NAB1: variants seen among roughly 807,000 people sequenced by gnomAD.
NAB1 encodes NGFI-A binding protein 1.
NAB1 carries 25 observed loss-of-function variants against 49.9 expected under a neutral mutation model. The observed-to-expected ratio is 0.50, with a 90% CI of 0.37 to 0.70. NAB1 has a LOEUF of 0.70. NAB1 is among the 30% of genes least tolerant of loss of function. NAB1 has a pLI of 0.00. For missense variants in NAB1, 489 were observed against 575.9 expected, an observed-to-expected ratio of 0.85 and a Z score of 1.54; for synonymous variants, 198 against 215.6, an observed-to-expected ratio of 0.92 and a Z score of 0.71.
At position 190,691,465 on chromosome 2, in the gene NAB1, G is replaced by A. The variant is rs1695931648; in HGVS notation, c.*1132G>A. 6.6e-6 allele frequency: 1 copy of A among 152,072 alleles called. No homozygotes were observed. Among genetic ancestry groups the A allele is most frequent in the African/African-American group, 2.4e-5 (1 of 41,416 alleles). 9.4% of individuals were successfully genotyped at this position (152,072 alleles called of 1,614,324 possible). On this transcript the variant is annotated 3_prime_UTR_variant, in exon 10 of 10. Transcript: ENST00000337386. This position sits in a 1 kb window ranked among gnomAD's most constrained non-coding sequence, Gnocchi z 4.1. ...ATTTTTCTACACCTTTGAGATTTAT[G>A]AATGCAGTTTTTTCTTAAAATTTAT...
At chr2:190,650,775 C>A (rs992676025) in intron 2 of NAB1, among the ~76,000 whole-genome samples, 1 of 152,128 alleles carries the variant, frequency 6.6e-6, no homozygotes, top group Admixed American at 6.6e-5. Context: ...TTAAGACATA[C>A]AATATTATCT....
Position 190,685,365 on chromosome 2 carries a change from A to G in NAB1, c.1096-111A>G. The stretch of plus-strand genomic sequence containing the variant: ...TTGTATACCACATGAAGTGTGAACT[A>G]ATTTTAATGAATACTAAATATATTT... On this transcript the variant is annotated intron_variant, in intron 7 of 9. Coordinates refer to ENST00000337386, the MANE Select transcript of NAB1 (RefSeq NM_005966.4). The surrounding 1 kb of genome is among the most constrained non-coding windows in gnomAD (Gnocchi z 4.5). 1 of 973,884 alleles carries G rather than the reference A, an allele frequency of 1.0e-6. No individual in the cohort carries two copies. Among genetic ancestry groups the G allele is most frequent in the Non-Finnish European group, 1.5e-6 (1 of 672,414 alleles). The allele number at this position is 973,884 out of a possible 1,614,324, so 60.3% of individuals were successfully genotyped here.
Position 190,685,635 on chromosome 2 carries a change from C to A in NAB1, c.1255C>A (p.Gln419Lys), listed in dbSNP as rs1259276016. 4.4e-6 allele frequency: 7 copies of A among 1,601,634 alleles called. No individual in the cohort carries two copies. In the African/African-American group the frequency reaches 8.1e-5, roughly 18 times the overall value. ...CTTGACTTCCGATAACTCAGATGGA[C>A]AAGGTACATCTTTAGAATATCCTAT... is the stretch of plus-strand genomic sequence containing the variant. Reference protein sequence around the residue: ...NGLTSDNSDGQGERPLNLRMP... With the variant: ...NGLTSDNSDGKGERPLNLRMP... Residue 419 changes from glutamine (Q) to lysine (K), a missense_variant, in exon 8 of 10, where the codon CAA becomes AAA. Transcript: ENST00000337386. This position sits in a 1 kb window ranked among gnomAD's most constrained non-coding sequence, Gnocchi z 4.5.
Position 190,686,790 on chromosome 2 carries a change from G to A in NAB1, c.1259-411G>A, listed in dbSNP as rs554571928. Among the ~76,000 whole-genome samples the A allele has an allele frequency of 6.9e-6, 1 of 145,056 alleles. No homozygotes were observed. The highest frequency in any genetic ancestry group is 1.5e-5 in the Non-Finnish European group (1 of 65,594). ...CTGTTTTTTCACGGATTTTGCTGTAGTTTTTTTTTTTTAATCTTTAATTGG... is the reference window on the plus strand; with the variant it reads ...CTGTTTTTTCACGGATTTTGCTGTAATTTTTTTTTTTTAATCTTTAATTGG... On this transcript the variant is annotated intron_variant, in intron 8 of 9. Transcript: ENST00000337386. This position sits in a 1 kb window ranked among gnomAD's most constrained non-coding sequence, Gnocchi z 5.5.
chr2:190,683,889 A>G (rs1695479133), intron 7 of NAB1, 62 bp downstream of exon 7: 3 of 1,274,746 alleles, frequency 2.4e-6, no homozygotes, highest in Non-Finnish European at 3.4e-6. Context: ...ATAAATGACT[A>G]CTTCAACTAG....
chr2:190,664,711 C>T (rs1263348849), intron 4 of NAB1, among the ~76,000 whole-genome samples: 2 of 143,664 alleles, frequency 1.4e-5, no homozygotes, highest in African/African-American at 5.1e-5. Context: ...GGATTACAGA[C>T]GTGAGCCACC....
rs766913034 is a variant in NAB1, at chr2:190,686,504, A to G, written c.1259-697A>G. Among the ~76,000 whole-genome samples, 2 of 152,234 alleles carry G rather than the reference A, an allele frequency of 1.3e-5. No homozygotes were observed. Among genetic ancestry groups the G allele is most frequent in the African/African-American group, 4.8e-5 (2 of 41,460 alleles). On this transcript the variant is annotated intron_variant, in intron 8 of 9. Transcript: ENST00000337386. The surrounding 1 kb of genome is among the most constrained non-coding windows in gnomAD (Gnocchi z 5.5). Reference sequence around the variant, plus strand: ...CTCCAGCCATGGACTGAAATATTACATGTGTCAACACATCAGAGTACTGGA... The same window carrying G: ...CTCCAGCCATGGACTGAAATATTACGTGTGTCAACACATCAGAGTACTGGA...
rs1694117988 is a variant in NAB1 at position 190,659,708 on chromosome 2, C to G, written c.532C>G (p.Leu178Val). The change falls in exon 4 of 10, where the codon CTG (leucine) becomes GTG (valine). Residue 178 changes from leucine to valine, a missense_variant. Leu to Val is a conservative substitution (Grantham distance 32). Transcript: ENST00000337386. This position sits in a 1 kb window ranked among gnomAD's most constrained non-coding sequence, Gnocchi z 6.2. ...CGAGCACAGCCTCTCCCCAGCAGAC[C>G]TGGGCTCCCCCGCGTCCCCAAAGGA... ...ESEHSLSPAD[L>V]GSPASPKESS... 1.2e-6 allele frequency: 2 copies of G among 1,613,794 alleles called. No homozygotes were observed. The highest frequency in any genetic ancestry group is 1.7e-6 in the Non-Finnish European group (2 of 1,179,992).
In NAB1 at chr2:190,670,280, G is replaced by C; in HGVS notation, c.820-46G>C. On this transcript the variant is annotated intron_variant, in intron 4 of 9. Transcript: ENST00000337386. The surrounding 1 kb of genome is among the most constrained non-coding windows in gnomAD (Gnocchi z 5.3). Reference sequence around the variant, plus strand: ...TAAGTGAAACCTTTTGCATTTTGATGAAATTAAAATGTTCTTAATTTTGAA... The same window carrying C: ...TAAGTGAAACCTTTTGCATTTTGATCAAATTAAAATGTTCTTAATTTTGAA... 1.9e-6 allele frequency: 3 copies of C among 1,539,268 alleles called. No individual in the cohort carries two copies. Among genetic ancestry groups the C allele is most frequent in the Non-Finnish European group, 2.6e-6 (3 of 1,137,084 alleles).
chr2:190,665,362 T>C (rs571698450), intron 4 of NAB1, among the ~76,000 whole-genome samples: 112 of 152,270 alleles, frequency 7.4e-4, no homozygotes, highest in Non-Finnish European at 1.4e-3. Flanking sequence ...TGCTATTTAT[T>C]GTGTACTTTT....
In NAB1 at chr2:190,685,043, A is replaced by G. The variant is rs1460368896; in HGVS notation, c.1096-433A>G. On this transcript the variant is annotated intron_variant, in intron 7 of 9. Coordinates refer to ENST00000337386, the MANE Select transcript of NAB1 (RefSeq NM_005966.4). The surrounding 1 kb of genome is among the most constrained non-coding windows in gnomAD (Gnocchi z 4.5). ...GTTTTACACCTTTTCTCCCCCAAAC[A>G]TATTGTCATCATATCAGAGTCTGTG... 1.4e-4 allele frequency among the ~76,000 whole-genome samples: 22 copies of G among 152,218 alleles called. No individual in the cohort carries two copies.
rs199997143 is a variant in NAB1, at chr2:190,670,456, C to G, written c.950C>G (p.Thr317Ser). ...ACCTATAAATATACTTACAGAACCA[C>G]CAAGTAAGTATTTAACTAATCGTCA... Reference protein sequence around the residue: ...EVTYKYTYRTTKSKCGERDEL... With the variant: ...EVTYKYTYRTSKSKCGERDEL... The change falls in exon 5 of 10, where the codon ACC becomes AGC. Residue 317 changes from threonine to serine, a missense_variant. By Grantham distance (58) the Thr-to-Ser change is moderately conservative. This residue lies in a region of NAB1 where 212 missense variants were observed against 199.3 expected (regional missense o/e 1.06). Coordinates refer to ENST00000337386, the MANE Select transcript of NAB1 (RefSeq NM_005966.4). This position sits in a 1 kb window ranked among gnomAD's most constrained non-coding sequence, Gnocchi z 5.3. The G allele has an allele frequency of 3.7e-6, 6 of 1,613,070 alleles. No individual in the cohort carries two copies. The African/African-American group carries it at 6.7e-5, about 18-fold the overall frequency.
Position 190,652,110 on chromosome 2 carries a change from A to T in NAB1, c.-197+2128A>T, listed in dbSNP as rs560977856. Among the ~76,000 whole-genome samples the T allele has an allele frequency of 1.3e-5, 2 of 152,360 alleles. No homozygotes were observed. The highest frequency in any genetic ancestry group is 4.1e-4 in the South Asian group (2 of 4,830). ...ACTCCTTAAACTTAATAATGGAGCAAGTGGGAAATTTGACAAGTTGATGCT... is the reference window on the plus strand; with the variant it reads ...ACTCCTTAAACTTAATAATGGAGCATGTGGGAAATTTGACAAGTTGATGCT... On this transcript the variant is annotated intron_variant, in intron 2 of 9. Coordinates refer to ENST00000337386, the MANE Select transcript of NAB1 (RefSeq NM_005966.4). This position sits in a 1 kb window ranked among gnomAD's most constrained non-coding sequence, Gnocchi z 4.2.
chr2:190,672,587 T>C (rs1406070411), intron 5 of NAB1, among the ~76,000 whole-genome samples: 1 of 152,202 alleles, frequency 6.6e-6, no homozygotes, highest in East Asian at 1.9e-4. Context: ...TCTTAAGTGG[T>C]CATTTTAGTC....
rs1272954736 is a variant in NAB1 at position 190,679,109 on chromosome 2, T to C, written c.1006-4629T>C. On this transcript the variant is annotated intron_variant, in intron 6 of 9. Transcript: ENST00000337386. This position sits in a 1 kb window ranked among gnomAD's most constrained non-coding sequence, Gnocchi z 5.3. The stretch of plus-strand genomic sequence containing the variant: ...AATGGCATCAGCCAAAAATATGACA[T>C]GGAGATAGATTGCTCATAGTATGGT... Among the ~76,000 whole-genome samples the C allele has an allele frequency of 1.3e-5, 2 of 152,170 alleles. No individual in the cohort carries two copies. Among genetic ancestry groups the C allele is most frequent in the Non-Finnish European group, 2.9e-5 (2 of 68,032 alleles).
chr2:190,688,504 C>T (rs1255598292), intron 9 of NAB1, among the ~76,000 whole-genome samples: 4 of 152,064 alleles, frequency 2.6e-5, no homozygotes, highest in Non-Finnish European at 4.4e-5. Flanking sequence ...AGATGACATC[C>T]TGGTCTCATG....
intron 4 of NAB1, among the ~76,000 whole-genome samples, chr2:190,668,069 A>G (rs1258076968): frequency 6.6e-6 from 1 of 152,182 alleles, no homozygotes; most frequent in African/African-American, 2.4e-5. Flanking sequence ...TTAGAAATAT[A>G]AAATTGGTAA....
rs544100688 is a variant in NAB1, at chr2:190,663,685, A to T, written c.819+3690A>T. On this transcript the variant is annotated intron_variant, in intron 4 of 9. Transcript: ENST00000337386. This position sits in a 1 kb window ranked among gnomAD's most constrained non-coding sequence, Gnocchi z 4.2. ...ATTTGTCTCCTCTCTTAGTTATTTT[A>T]TTGTTCTTATCTAACTTAATTTGGG... Among the ~76,000 whole-genome samples, 140 of 152,002 alleles carry T rather than the reference A, an allele frequency of 9.2e-4. 1 individual carries two copies. The Middle Eastern group carries it at 0.014, about 15-fold the overall frequency.
In NAB1 at chr2:190,669,942, A is replaced by G. The variant is rs186168377; in HGVS notation, c.820-384A>G. 7.9e-5 allele frequency among the ~76,000 whole-genome samples: 12 copies of G among 152,350 alleles called. No homozygotes were observed. In the East Asian group the frequency reaches 1.9e-3, roughly 24 times the overall value. ...TCATAAAAAATCTGTCAGACCATCTACATTCATTTTTGGTTAGAGAAATGG... is the reference window on the plus strand; with the variant it reads ...TCATAAAAAATCTGTCAGACCATCTGCATTCATTTTTGGTTAGAGAAATGG... On this transcript the variant is annotated intron_variant, in intron 4 of 9. Transcript: ENST00000337386. This position sits in a 1 kb window ranked among gnomAD's most constrained non-coding sequence, Gnocchi z 4.3.
Sources: allele counts gnomAD v4.1 joint callset (sites outside exome capture counted in the v4.1 genomes callset), GRCh38; gene constraint gnomAD v4.1.1; regional missense constraint gnomAD v4.1.1; non-coding constraint Gnocchi (gnomAD v3.1); transcripts MANE v1.5; gene names NCBI Gene and HGNC (gene_info 2026-07-23, HGNC 2026-07-21).